CELF2: variants seen among roughly 807,000 people sequenced by gnomAD.
CELF2 encodes CUG triplet repeat RNA-binding protein 2.
CELF2 carries 8 observed loss-of-function variants against 62.6 expected under a neutral mutation model. The ratio of observed to expected loss-of-function variants is 0.13; its 90% CI spans 0.07 to 0.23. CELF2 has a LOEUF of 0.23. CELF2 is among the 10% of genes least tolerant of loss of function. The pLI is 1.00. For missense variants in CELF2, 333 were observed against 671.0 expected, an observed-to-expected ratio of 0.50 and a Z score of 5.56; for synonymous variants, 258 against 250.0, an observed-to-expected ratio of 1.03 and a Z score of -0.30.
chr10:10,471,706 T>C, the CELF2 span, among the ~76,000 whole-genome samples: 1 of 151,814 alleles, frequency 6.6e-6, no homozygotes. Context: ...TTAAAGAATT[T>C]AAGAGAAAAA....
At chr10:11,078,880 C>A (rs1294506370) in intron 1 of CELF2, among the ~76,000 whole-genome samples, 1 of 152,180 alleles carries the variant, frequency 6.6e-6, no homozygotes, top group South Asian at 2.1e-4. Flanking sequence ...GAGAATCATG[C>A]TGCTCCCTTC....
chr10:10,821,869 G>T (rs941677711), intron 1 of CELF2, among the ~76,000 whole-genome samples: 4 of 152,140 alleles, frequency 2.6e-5, no homozygotes, highest in Non-Finnish European at 5.9e-5. Flanking sequence ...TCGAATTCCT[G>T]GGCTCAAGCA....
At chr10:10,860,729 T>C (rs528965943) in intron 1 of CELF2, among the ~76,000 whole-genome samples, 1 of 152,270 alleles carries the variant, frequency 6.6e-6, no homozygotes, top group South Asian at 2.1e-4. Context: ...GCAGTATTTA[T>C]AGATAGGAAA....
chr10:10,594,920 C>G, the CELF2 span, among the ~76,000 whole-genome samples: 5 of 152,182 alleles, frequency 3.3e-5, no homozygotes, highest in East Asian at 1.9e-4. Context: ...TAGAAGAATT[C>G]ATCTCTCTCC....
chr10:11,320,686 C>T (rs2095389279), intron 10 of CELF2, among the ~76,000 whole-genome samples: 1 of 152,218 alleles, frequency 6.6e-6, no homozygotes. Flanking sequence ...TCCTCTCCAC[C>T]ATTTCCTCAT....
rs146477490 is a variant in CELF2 at position 11,251,701 on chromosome 10, A to G, written c.403+2500A>G. Among the ~76,000 whole-genome samples the G allele has an allele frequency of 7.0e-4, 106 of 152,296 alleles. 1 individual carries two copies. Among genetic ancestry groups the G allele is most frequent in the Non-Finnish European group, 1.1e-3 (72 of 68,030 alleles). ...CTCTTCAGCTGTGAGAGGGGGCTAC[A>G]GTGGTGTCATCTGAACACTTGTTGT... On this transcript the variant is annotated intron_variant, in intron 4 of 12. Coordinates refer to ENST00000633077, the MANE Select transcript of CELF2 (RefSeq NM_001326342.2).
the CELF2 span, among the ~76,000 whole-genome samples, chr10:10,736,431 G>A: frequency 3.6e-5 from 3 of 83,014 alleles, no homozygotes; most frequent in South Asian, 6.6e-4. Flanking sequence ...CTATTGGTTT[G>A]TATACTTGAT....
chr10:11,055,646 G>A (rs1305375345), intron 1 of CELF2, among the ~76,000 whole-genome samples: 2 of 152,228 alleles, frequency 1.3e-5, no homozygotes, highest in Non-Finnish European at 2.9e-5. Flanking sequence ...GAAGTGGAAA[G>A]ACATTCTTTG....
At chr10:10,890,191 CA>C (rs1233093699) in intron 1 of CELF2, among the ~76,000 whole-genome samples, 1 of 152,076 alleles carries the variant, frequency 6.6e-6, no homozygotes, top group Non-Finnish European at 1.5e-5. Context: ...AATGATATAT[CA>C]GGTTTGAAGA....
the CELF2 span, among the ~76,000 whole-genome samples, chr10:10,656,306 A>T: frequency 1.3e-5 from 2 of 150,158 alleles, no homozygotes; most frequent in Non-Finnish European, 1.5e-5. Flanking sequence ...TGTGGAAGTC[A>T]GTGTGGCGAT....
At chr10:10,512,588 T>C in the CELF2 span, among the ~76,000 whole-genome samples, 2 of 151,990 alleles carry the variant, frequency 1.3e-5, no homozygotes, top group Admixed American at 1.3e-4. Flanking sequence ...ACTTTTTTTG[T>C]ATTTTTAGTA....
At chr10:10,771,184 C>T in the CELF2 span, among the ~76,000 whole-genome samples, 1 of 152,202 alleles carries the variant, frequency 6.6e-6, no homozygotes, top group Non-Finnish European at 1.5e-5. Context: ...ACCCAACTTG[C>T]AATATCCCTA....
intron 1 of CELF2, among the ~76,000 whole-genome samples, chr10:11,154,021 C>T (rs2063822938): frequency 6.6e-6 from 1 of 152,114 alleles, no homozygotes; most frequent in African/African-American, 2.4e-5. Context: ...GGCAGTTAGA[C>T]AGATATATAA....
chr10:10,677,007 A>T, the CELF2 span, among the ~76,000 whole-genome samples: 1 of 152,216 alleles, frequency 6.6e-6, no homozygotes, highest in Non-Finnish European at 1.5e-5. Context: ...ATTTATTAAC[A>T]ATGTAAAGTC....
chr10:11,310,953 G>A (rs1187289891), intron 9 of CELF2, among the ~76,000 whole-genome samples: 1 of 152,170 alleles, frequency 6.6e-6, no homozygotes, highest in Non-Finnish European at 1.5e-5. Context: ...GCATATTGAA[G>A]GTGGCTTTCC....
intron 2 of CELF2, among the ~76,000 whole-genome samples, chr10:11,202,631 G>A (rs573996124): frequency 9.8e-5 from 15 of 152,310 alleles, no homozygotes; most frequent in East Asian, 1.9e-4. Flanking sequence ...CACTAACATC[G>A]AAAGCGTTCC....
chr10:10,878,740 T>C (rs1204543494), intron 1 of CELF2, among the ~76,000 whole-genome samples: 4 of 151,942 alleles, frequency 2.6e-5, no homozygotes, highest in Non-Finnish European at 4.4e-5. Flanking sequence ...CAAATTGAGA[T>C]CACATAATTG....
Position 11,321,126 on chromosome 10 carries a change from C to G in CELF2, c.1097-63C>G. On this transcript the variant is annotated intron_variant, in intron 10 of 12. Transcript: ENST00000633077. This position sits in a 1 kb window ranked among gnomAD's most constrained non-coding sequence, Gnocchi z 6.2. ...CTGTGTTTAAATGATTCTCTAACTT[C>G]CTTTGGAAAGCACTAATGAATAAGT... The G allele has an allele frequency of 6.5e-7, 1 of 1,544,744 alleles. No individual in the cohort carries two copies. Among genetic ancestry groups the G allele is most frequent in the Non-Finnish European group, 8.9e-7 (1 of 1,118,516 alleles).
chr10:10,706,616 C>T, the CELF2 span, among the ~76,000 whole-genome samples: 1 of 152,170 alleles, frequency 6.6e-6, no homozygotes, highest in Non-Finnish European at 1.5e-5. Flanking sequence ...TGAGGTTTCA[C>T]CCTGTAAAAC....
Sources: allele counts gnomAD v4.1 joint callset (sites outside exome capture counted in the v4.1 genomes callset), GRCh38; gene constraint gnomAD v4.1.1; non-coding constraint Gnocchi (gnomAD v3.1); transcripts MANE v1.5; gene names NCBI Gene and HGNC (gene_info 2026-07-23, HGNC 2026-07-21).